Variants in CTNND2 observed in about 807,000 individuals in gnomAD.
CTNND2 encodes catenin delta 2.
Under a neutral mutation model 144.4 loss-of-function variants are expected in CTNND2, and 22 were observed. The observed-to-expected ratio is 0.15, with a 90% CI of 0.11 to 0.22. The LOEUF (loss-of-function observed/expected upper bound fraction) is 0.22, where lower values mean the gene tolerates loss of function less well. Ranked by LOEUF, CTNND2 falls within the 10% of genes least tolerant of loss-of-function variation. CTNND2 has a pLI of 1.00. For synonymous variants in CTNND2, 751 were observed against 695.6 expected (o/e 1.08, Z -1.25); for missense variants, 1,353 against 1,618.8 (o/e 0.84, Z 2.82).
chr5:11,073,171 G>C (rs1345703941), intron 16 of CTNND2, among the ~76,000 whole-genome samples: 1 of 152,184 alleles, frequency 6.6e-6, no homozygotes, highest in Non-Finnish European at 1.5e-5. Flanking sequence ...CTTTCCACCT[G>C]ATTGAGACTT....
At chr5:11,351,436 G>C (rs968382935) in intron 8 of CTNND2, among the ~76,000 whole-genome samples, 4 of 152,158 alleles carry the variant, frequency 2.6e-5, no homozygotes, top group Admixed American at 2.6e-4. Context: ...TACTTCAATA[G>C]ATACCTACGC....
At chr5:11,060,094 G>A (rs1746788666) in intron 16 of CTNND2, among the ~76,000 whole-genome samples, 1 of 152,094 alleles carries the variant, frequency 6.6e-6, no homozygotes, top group South Asian at 2.1e-4. Flanking sequence ...ACTTCTAAAT[G>A]TTTGACAGAG....
chr5:11,524,748 C>T (rs1297226903), intron 3 of CTNND2, among the ~76,000 whole-genome samples: 3 of 152,124 alleles, frequency 2.0e-5, no homozygotes, highest in African/African-American at 7.2e-5. Flanking sequence ...GCAGTTCCAA[C>T]GTTTACTGGT....
intron 1 of CTNND2, among the ~76,000 whole-genome samples, chr5:11,879,341 G>GATATATATATATATA (rs1735804188): frequency 9.1e-6 from 1 of 109,340 alleles, no homozygotes; most frequent in Non-Finnish European, 2.0e-5. Flanking sequence ...TTAAATGTGT[G>GATATATATATATATA]TATATATATA....
intron 15 of CTNND2, among the ~76,000 whole-genome samples, chr5:11,091,592 G>A (rs961245800): frequency 2.0e-5 from 3 of 152,098 alleles, no homozygotes; most frequent in African/African-American, 7.2e-5. Context: ...TTAAAGCTTT[G>A]TTCTAGGATG....
chr5:11,291,829 A>C (rs977236054), intron 9 of CTNND2, among the ~76,000 whole-genome samples: 2 of 152,210 alleles, frequency 1.3e-5, no homozygotes, highest in African/African-American at 4.8e-5. Flanking sequence ...ACATACAGAC[A>C]AAACATTTAT....
chr5:11,824,686 G>C (rs746628918), intron 1 of CTNND2, among the ~76,000 whole-genome samples: 2 of 152,172 alleles, frequency 1.3e-5, no homozygotes, highest in Non-Finnish European at 2.9e-5. Flanking sequence ...AAGAGGATAG[G>C]TTCTGTAAAA....
In CTNND2 at chr5:11,227,078, T is replaced by C. The variant is rs185946221; in HGVS notation, c.1761+9613A>G. 3.8e-3 allele frequency among the ~76,000 whole-genome samples: 580 copies of C among 152,350 alleles called. 4 individuals carry two copies. Among genetic ancestry groups the C allele is most frequent in the Non-Finnish European group, 6.7e-3 (455 of 68,028 alleles). ...CCACACACCGTGTGTGTGTGTTCAA[T>C]TTCCTTTGCTGACAATAGCAGATCT... On this transcript the variant is annotated intron_variant, in intron 10 of 21. Coordinates refer to ENST00000304623, the MANE Select transcript of CTNND2 (RefSeq NM_001332.4).
intron 11 of CTNND2, among the ~76,000 whole-genome samples, chr5:11,186,172 T>C (rs1735605997): frequency 6.6e-6 from 1 of 152,254 alleles, no homozygotes; most frequent in Admixed American, 6.5e-5. Context: ...AGGTGAAAAC[T>C]GAAGGCAACT....
At chr5:11,098,497 CAAAACTGGACTTAT>C (rs1380346610) in intron 15 of CTNND2, 64 bp downstream of exon 15, 2 of 1,315,570 alleles carry the variant, frequency 1.5e-6, no homozygotes, top group Non-Finnish European at 2.1e-6. Flanking sequence ...TTGCATTTCT[CAAAACTGGACTTAT>C]ATTGTTTTCT....
chr5:11,298,929 T>C (rs1057307827), intron 9 of CTNND2, among the ~76,000 whole-genome samples: 2 of 152,212 alleles, frequency 1.3e-5, no homozygotes, highest in South Asian at 4.1e-4. Context: ...CAATGCGTAA[T>C]GATTGGTGGT....
At chr5:11,640,147 C>T (rs1781923209) in intron 2 of CTNND2, among the ~76,000 whole-genome samples, 1 of 152,156 alleles carries the variant, frequency 6.6e-6, no homozygotes, top group Admixed American at 6.6e-5. Flanking sequence ...TATCTGACTA[C>T]TTTAGTGATA....
At chr5:11,642,620 A>C (rs2126509405) in intron 2 of CTNND2, among the ~76,000 whole-genome samples, 1 of 152,328 alleles carries the variant, frequency 6.6e-6, no homozygotes, top group Middle Eastern at 3.4e-3. Context: ...AAGAGGTGAC[A>C]GGAAGCCCTC....
At chr5:11,287,848 A>C (rs1747907463) in intron 9 of CTNND2, among the ~76,000 whole-genome samples, 1 of 152,224 alleles carries the variant, frequency 6.6e-6, no homozygotes, top group African/African-American at 2.4e-5. Context: ...GTTCCAAAAA[A>C]CTACACAAAA....
intron 9 of CTNND2, among the ~76,000 whole-genome samples, chr5:11,268,259 T>A (rs1056357298): frequency 3.9e-5 from 6 of 152,144 alleles, no homozygotes; most frequent in Admixed American, 1.3e-4. Context: ...CAGTAAGGTA[T>A]CTTCTCAGTC....
At chr5:11,249,787 A>G (rs1035260854) in intron 9 of CTNND2, among the ~76,000 whole-genome samples, 3 of 152,074 alleles carry the variant, frequency 2.0e-5, no homozygotes, top group African/African-American at 7.2e-5. Flanking sequence ...TACAAAAACA[A>G]ACAAAAAAAA....
chr5:11,646,781 G>A (rs1782381329), intron 2 of CTNND2, among the ~76,000 whole-genome samples: 1 of 152,114 alleles, frequency 6.6e-6, no homozygotes, highest in Non-Finnish European at 1.5e-5. Flanking sequence ...AGGCCAAATG[G>A]CCCAGCCTCC....
At chr5:11,309,751 T>C in intron 9 of CTNND2, among the ~76,000 whole-genome samples, 1 of 152,204 alleles carries the variant, frequency 6.6e-6, no homozygotes, top group African/African-American at 2.4e-5. Context: ...TTTGGATTTG[T>C]GTCGTTGCTC....
intron 3 of CTNND2, among the ~76,000 whole-genome samples, chr5:11,543,649 T>A (rs984333449): frequency 6.1e-5 from 8 of 130,808 alleles, no homozygotes; most frequent in African/African-American, 1.2e-4. Flanking sequence ...TTTTTTTTTT[T>A]AAACCTACAG....
Sources: gnomAD v4.1 joint callset for allele counts (sites outside exome capture counted in the v4.1 genomes callset) on GRCh38, gnomAD v4.1.1 for gene constraint, MANE v1.5 for transcripts, NCBI Gene and HGNC (gene_info 2026-07-23, HGNC 2026-07-21) for gene names.